The following PASD1 variants were observed in gnomAD, a reference collection of about 807,000 sequenced individuals.
PASD1 encodes the protein circadian clock protein PASD1.
A neutral mutation model predicts 58.8 loss-of-function variants in PASD1; 13 were observed. The ratio of observed to expected loss-of-function variants is 0.22; its 90% CI spans 0.14 to 0.35. The LOEUF (loss-of-function observed/expected upper bound fraction) is 0.35, where lower values mean the gene tolerates loss of function less well. PASD1 is among the 10% of genes least tolerant of loss of function. The pLI, the probability that PASD1 is intolerant of heterozygous loss-of-function variation, is 1.00. For missense variants in PASD1, 734 were observed against 568.3 expected, an observed-to-expected ratio of 1.29 and a Z score of -2.96; for synonymous variants, 236 against 216.7, an observed-to-expected ratio of 1.09 and a Z score of -0.78.
At chrX:151,580,177 A>G (rs1350384762) in intron 1 of PASD1, among the ~76,000 whole-genome samples, 6 of 112,257 alleles carry the variant, frequency 5.3e-5, no homozygotes, top group Non-Finnish European at 9.4e-5. Context: ...ATAAATTTTG[A>G]CCTTGTATTC....
At chrX:151,592,813 G>A (rs915082574) in intron 1 of PASD1, among the ~76,000 whole-genome samples, 12 of 111,675 alleles carry the variant, frequency 1.1e-4, no homozygotes, top group Non-Finnish European at 2.3e-4. Flanking sequence ...TCCATATACA[G>A]TGGAAGATAA....
At chrX:151,598,888 C>T (rs1045426138) in intron 1 of PASD1, among the ~76,000 whole-genome samples, 2 of 109,908 alleles carry the variant, frequency 1.8e-5, no homozygotes, top group Non-Finnish European at 3.8e-5. Context: ...TTGGCAGGGT[C>T]ATAGGACAAT....
At chrX:151,664,040 T>C in intron 10 of PASD1, 79 bp from the exon 11 acceptor site, 2 of 1,162,767 alleles carry the variant, frequency 1.7e-6, no homozygotes, top group Non-Finnish European at 2.3e-6. Context: ...TGGGCTAAAA[T>C]GACCCTCGTA....
intron 1 of PASD1, among the ~76,000 whole-genome samples, chrX:151,581,311 C>T (rs1442452238): frequency 1.9e-5 from 2 of 103,150 alleles, no homozygotes; most frequent in Non-Finnish European, 4.0e-5. Flanking sequence ...TGTCTTGGGG[C>T]CAAGTGCAGT....
At chrX:151,591,917 T>C (rs773864647) in intron 1 of PASD1, among the ~76,000 whole-genome samples, 2 of 112,119 alleles carry the variant, frequency 1.8e-5, no homozygotes, top group South Asian at 3.7e-4. Flanking sequence ...CTCTCTCTCT[T>C]TTTTTGTCTC....
At chrX:151,638,403 C>T (rs2013957748) in intron 8 of PASD1, among the ~76,000 whole-genome samples, 1 of 107,695 alleles carries the variant, frequency 9.3e-6, no homozygotes, top group Non-Finnish European at 1.9e-5. Context: ...TGTAACAAAC[C>T]TGCACATTGT....
intron 13 of PASD1, 112 bp downstream of exon 13, chrX:151,671,891 T>C: frequency 1.1e-6 from 1 of 874,712 alleles, no homozygotes; most frequent in Non-Finnish European, 1.6e-6. Flanking sequence ...GGCTGCAATT[T>C]ATTTGCCCAA....
At chrX:151,670,228 T>C (rs1219270130) in intron 11 of PASD1, among the ~76,000 whole-genome samples, 1 of 111,781 alleles carries the variant, frequency 8.9e-6, no homozygotes, top group African/African-American at 3.3e-5. Context: ...CCAGAAGGCA[T>C]GTTTTATAAC....
intron 11 of PASD1, among the ~76,000 whole-genome samples, chrX:151,667,001 A>G (rs935397270): frequency 7.3e-5 from 8 of 109,786 alleles, no homozygotes; most frequent in Non-Finnish European, 3.8e-5. Context: ...AGTCCCACCA[A>G]CAGTGTAAAA....
At chrX:151,634,295 T>C (rs2013902913) in intron 8 of PASD1, among the ~76,000 whole-genome samples, 1 of 110,731 alleles carries the variant, frequency 9.0e-6, no homozygotes, top group African/African-American at 3.3e-5. Flanking sequence ...TAGATAGATA[T>C]TTTGTGTGTG....
intron 1 of PASD1, among the ~76,000 whole-genome samples, chrX:151,572,768 C>T (rs1466503140): frequency 9.2e-6 from 1 of 108,354 alleles, no homozygotes; most frequent in African/African-American, 3.4e-5. Flanking sequence ...TTGAAATATA[C>T]CTTTATACGA....
At chrX:151,628,091 G>A (rs1602941344) in intron 8 of PASD1, among the ~76,000 whole-genome samples, 1 of 111,320 alleles carries the variant, frequency 9.0e-6, no homozygotes, top group East Asian at 2.8e-4. Context: ...GTTCATTGTA[G>A]ATTCTGGATA....
chrX:151,663,026 C>T (rs903184189), intron 10 of PASD1, among the ~76,000 whole-genome samples: 42 of 111,892 alleles, frequency 3.8e-4, no homozygotes, highest in African/African-American at 1.2e-3. Flanking sequence ...TCTGTATTTT[C>T]GCCTAGGTTT....
chrX:151,611,580 A>T lies in PASD1; in HGVS notation c.118-84A>T, dbSNP rs993005892. 28 of 642,274 alleles carry T rather than the reference A, an allele frequency of 4.4e-5. No homozygotes were observed. The East Asian group carries it at 5.9e-4, about 14-fold the overall frequency. The allele number at this position is 642,274 out of a possible 1,213,427, so 52.9% of individuals were successfully genotyped here. ...CTGGGGTGCATTTCAGTGTGCTATTATAATTATCTATGCATTTAGCAATAA... is the reference window on the plus strand; with the variant it reads ...CTGGGGTGCATTTCAGTGTGCTATTTTAATTATCTATGCATTTAGCAATAA... On this transcript the variant is annotated intron_variant, in intron 3 of 15. Coordinates refer to ENST00000370357, the MANE Select transcript of PASD1 (RefSeq NM_173493.3).
Position 151,621,484 on chromosome X carries a change from A to G in PASD1, c.310A>G (p.Thr104Ala), listed in dbSNP as rs147949778. ...ILKFPLLNSE[T>A]HIEFCCHLKR... ...TGTATTTCTTCTCTTTTTACTAGAAACACATATTGAATTTTGCTGTCATTT... is the reference window on the plus strand; with the variant it reads ...TGTATTTCTTCTCTTTTTACTAGAAGCACATATTGAATTTTGCTGTCATTT... The change falls in exon 6 of 16, where the codon ACA becomes GCA. Residue 104 changes from threonine (T) to alanine (A), a missense_variant and splice_region_variant. By Grantham distance (58) the Thr-to-Ala change is moderately conservative. Transcript: ENST00000370357. 13 of 1,183,286 alleles carry G rather than the reference A, an allele frequency of 1.1e-5. No individual in the cohort carries two copies. The highest frequency in any genetic ancestry group is 1.5e-5 in the Non-Finnish European group (13 of 875,745).
chrX:151,632,482 C>T (rs1411954611), intron 8 of PASD1, among the ~76,000 whole-genome samples: 1 of 111,519 alleles, frequency 9.0e-6, no homozygotes, highest in Non-Finnish European at 1.9e-5. Flanking sequence ...GGCCTGTGAG[C>T]AACTGTGAGG....
chrX:151,586,232 C>T (rs2013162277), intron 1 of PASD1, among the ~76,000 whole-genome samples: 1 of 112,381 alleles, frequency 8.9e-6, no homozygotes, highest in Admixed American at 9.4e-5. Context: ...AAGTTTCCCA[C>T]TTATTCATAT....
At chrX:151,564,651 T>C (rs1362025146) in intron 1 of PASD1, among the ~76,000 whole-genome samples, 1 of 109,173 alleles carries the variant, frequency 9.2e-6, no homozygotes, top group African/African-American at 3.3e-5. Context: ...TAGTCTCAGC[T>C]ACTGGTTACG....
intron 8 of PASD1, among the ~76,000 whole-genome samples, chrX:151,645,511 G>C (rs1429422590): frequency 9.0e-6 from 1 of 111,710 alleles, no homozygotes; most frequent in African/African-American, 3.3e-5. Flanking sequence ...ATCAAACCTC[G>C]GTAAAATATT....
Sources: allele counts gnomAD v4.1 joint callset (sites outside exome capture counted in the v4.1 genomes callset), GRCh38; gene constraint gnomAD v4.1.1; transcripts MANE v1.5; gene names NCBI Gene and HGNC (gene_info 2026-07-23, HGNC 2026-07-21).